Variants in HTR1F observed in about 807,000 individuals in gnomAD.
HTR1F encodes 5-hydroxytryptamine (serotonin) receptor 1F, G protein-coupled.
In HTR1F, 17 loss-of-function variants were observed where a neutral mutation model predicts 24.0. The ratio of observed to expected loss-of-function variants is 0.71; its 90% confidence interval spans 0.48 to 1.06. The LOEUF is 1.06. Ranked by LOEUF, HTR1F falls within the 50% of genes least tolerant of loss-of-function variation. The pLI, the probability that HTR1F is intolerant of heterozygous loss-of-function variation, is 0.00. For missense variants in HTR1F, 391 were observed against 427.8 expected (o/e 0.91, Z 0.76); for synonymous variants, 186 against 156.8 (o/e 1.19, Z -1.39).
intron 2 of HTR1F, among the ~76,000 whole-genome samples, chr3:87,868,543 G>C (rs993456443): frequency 4.0e-5 from 6 of 151,320 alleles, no homozygotes; most frequent in African/African-American, 1.2e-4. Flanking sequence ...TCTGTTTTTA[G>C]GTAAAATATT....
chr3:87,991,893 G>T lies in HTR1F; in HGVS notation c.*43G>T. On this transcript the variant is annotated 3_prime_UTR_variant, in exon 3 of 3. Transcript: ENST00000319595. ...ATTGAAGGATGGGGGTTTTTGAGGGGAGGAATAACTAGATGAATGCCAAAT... is the reference window on the plus strand; with the variant it reads ...ATTGAAGGATGGGGGTTTTTGAGGGTAGGAATAACTAGATGAATGCCAAAT... 6.7e-7 allele frequency: 1 copy of T among 1,492,330 alleles called. No individual in the cohort carries two copies. The highest frequency in any genetic ancestry group is 9.0e-7 in the Non-Finnish European group (1 of 1,114,558). 92.4% of individuals were successfully genotyped at this position (1,492,330 alleles called of 1,614,324 possible). A position where few individuals can be genotyped will look rare whatever the true frequency, so the allele number is the denominator to read the frequency against.
At chr3:87,829,073 TCTGTC>T (rs1353363001) in intron 2 of HTR1F, among the ~76,000 whole-genome samples, 2 of 151,394 alleles carry the variant, frequency 1.3e-5, no homozygotes, top group Non-Finnish European at 2.9e-5. Context: ...AAAAAAAAGA[TCTGTC>T]CTGTGCTTTA....
chr3:87,931,169 G>A (rs145925332), intron 2 of HTR1F, among the ~76,000 whole-genome samples: 309 of 151,620 alleles, frequency 2.0e-3, no homozygotes, highest in African/African-American at 7.3e-3. Context: ...TTTAGCATTA[G>A]GTATATCCCC....
At chr3:87,986,043 AT>A (rs146538022) in intron 2 of HTR1F, among the ~76,000 whole-genome samples, 1 of 152,112 alleles carries the variant, frequency 6.6e-6, no homozygotes, top group African/African-American at 2.4e-5. Context: ...ACTAATCTTG[AT>A]TTTTTTCCCA....
chr3:87,963,809 T>C (rs1288588263), intron 2 of HTR1F, among the ~76,000 whole-genome samples: 1 of 152,124 alleles, frequency 6.6e-6, no homozygotes, highest in Non-Finnish European at 1.5e-5. Context: ...TCCCAACCTA[T>C]CTAGCAACAT....
intron 2 of HTR1F, among the ~76,000 whole-genome samples, chr3:87,923,834 G>A (rs1194438251): frequency 6.6e-6 from 1 of 151,804 alleles, no homozygotes; most frequent in Non-Finnish European, 1.5e-5. Context: ...TGCATCTTTG[G>A]GATATATCCA....
intron 1 of HTR1F, among the ~76,000 whole-genome samples, chr3:87,808,448 A>G (rs903390961): frequency 1.3e-5 from 2 of 151,016 alleles, no homozygotes; most frequent in African/African-American, 2.4e-5. Context: ...TGTATCTGTG[A>G]TATCAGTTGT....
chr3:87,915,214 C>T (rs1399368438), intron 2 of HTR1F, among the ~76,000 whole-genome samples: 3 of 152,126 alleles, frequency 2.0e-5, no homozygotes, highest in Non-Finnish European at 4.4e-5. Context: ...GCCTTCAGGC[C>T]TAGACCTCCC....
intron 2 of HTR1F, among the ~76,000 whole-genome samples, chr3:87,845,819 ATTAT>A (rs762239840): frequency 7.9e-5 from 12 of 152,038 alleles, no homozygotes; most frequent in Non-Finnish European, 1.8e-4. Context: ...TCAAGTTGTC[ATTAT>A]TTGAGTCAAT....
At chr3:87,856,984 C>T (rs1705212074) in intron 2 of HTR1F, among the ~76,000 whole-genome samples, 1 of 152,128 alleles carries the variant, frequency 6.6e-6, no homozygotes, top group Non-Finnish European at 1.5e-5. Flanking sequence ...TTCAGAGTTA[C>T]AGCTTATGTT....
intron 1 of HTR1F, among the ~76,000 whole-genome samples, chr3:87,806,265 T>C (rs1295797855): frequency 6.6e-6 from 1 of 152,046 alleles, no homozygotes; most frequent in Non-Finnish European, 1.5e-5. Context: ...GATAAATATC[T>C]GGTAGTAGAG....
chr3:87,904,781 A>G (rs1703622171), intron 2 of HTR1F, among the ~76,000 whole-genome samples: 1 of 152,052 alleles, frequency 6.6e-6, no homozygotes, highest in African/African-American at 2.4e-5. Context: ...TTTTTCAAAT[A>G]CCAGTAAGCT....
intron 2 of HTR1F, among the ~76,000 whole-genome samples, chr3:87,842,185 A>G (rs549140064): frequency 1.4e-4 from 21 of 151,930 alleles, no homozygotes; most frequent in African/African-American, 5.1e-4. Context: ...TTTTTGAGAC[A>G]GAGTTTCATT....
chr3:87,938,880 AAAG>A (rs1266732424), intron 2 of HTR1F, among the ~76,000 whole-genome samples: 1 of 152,250 alleles, frequency 6.6e-6, no homozygotes, highest in East Asian at 1.9e-4. Flanking sequence ...AGGAACAGGC[AAAG>A]ATTTCACTAC....
At chr3:87,986,100 G>A (rs1399157044) in intron 2 of HTR1F, among the ~76,000 whole-genome samples, 1 of 152,086 alleles carries the variant, frequency 6.6e-6, no homozygotes. Context: ...CTAAGAGTAG[G>A]AGGGACATAT....
intron 2 of HTR1F, among the ~76,000 whole-genome samples, chr3:87,898,486 C>A (rs995531453): frequency 3.3e-5 from 5 of 152,222 alleles, no homozygotes; most frequent in South Asian, 4.1e-4. Flanking sequence ...CATCATAATT[C>A]ATGCCTCAAC....
intron 2 of HTR1F, among the ~76,000 whole-genome samples, chr3:87,846,821 A>C (rs1460632463): frequency 3.3e-5 from 5 of 151,986 alleles, no homozygotes; most frequent in Admixed American, 2.0e-4. Flanking sequence ...TTTTGAAAGA[A>C]AATTTCAAGT....
intron 2 of HTR1F, among the ~76,000 whole-genome samples, chr3:87,875,855 T>C (rs967160455): frequency 2.9e-5 from 4 of 138,814 alleles, no homozygotes; most frequent in Non-Finnish European, 4.6e-5. Context: ...ACCCAGGAGG[T>C]GGAGCTTGCA....
chr3:87,955,541 C>T (rs1704925211), intron 2 of HTR1F, among the ~76,000 whole-genome samples: 1 of 151,470 alleles, frequency 6.6e-6, no homozygotes, highest in Non-Finnish European at 1.5e-5. Flanking sequence ...ATCTATTCCT[C>T]ATGGGTAAAG....
Sources: gnomAD v4.1 joint callset for allele counts (sites outside exome capture counted in the v4.1 genomes callset) on GRCh38, gnomAD v4.1.1 for gene constraint, MANE v1.5 for transcripts, NCBI Gene and HGNC (gene_info 2026-07-23, HGNC 2026-07-21) for gene names.